The following KCNN3 variants were observed in gnomAD, a reference collection of about 807,000 sequenced individuals.
KCNN3 encodes the protein small conductance calcium-activated potassium channel protein 3.
A neutral mutation model predicts 62.9 loss-of-function variants in KCNN3; 16 were observed. The observed-to-expected ratio is 0.25, with a 90% CI of 0.17 to 0.39. The LOEUF is 0.39. KCNN3 is among the 10% of genes least tolerant of loss of function. KCNN3 has a pLI of 1.00. For missense variants in KCNN3, 599 were observed against 949.4 expected, an observed-to-expected ratio of 0.63 and a Z score of 4.85; for synonymous variants, 370 against 389.2, an observed-to-expected ratio of 0.95 and a Z score of 0.58.
intron 2 of KCNN3, among the ~76,000 whole-genome samples, chr1:154,811,888 C>T (rs1650421258): frequency 6.6e-6 from 1 of 152,220 alleles, no homozygotes; most frequent in Non-Finnish European, 1.5e-5. Context: ...ATGATCCTTA[C>T]CCCAGGAGTC....
In KCNN3 at chr1:154,699,695, A is replaced by G. The variant is rs1220203834; in HGVS notation, c.*8281T>C. On this transcript the variant is annotated 3_prime_UTR_variant, in exon 8 of 8. Transcript: ENST00000271915. Reference sequence around the variant, plus strand: ...GCAATGTTTCTAGATGGTTAAACTAACTTCTCTTGCTATTTTCCTCTAGGG... The same window carrying G: ...GCAATGTTTCTAGATGGTTAAACTAGCTTCTCTTGCTATTTTCCTCTAGGG... 6.6e-6 allele frequency: 1 copy of G among 152,172 alleles called. No individual in the cohort carries two copies. Among genetic ancestry groups the G allele is most frequent in the Non-Finnish European group, 1.5e-5 (1 of 68,038 alleles). The allele number at this position is 152,172 out of a possible 1,614,324, so 9.4% of individuals were successfully genotyped here.
intron 2 of KCNN3, among the ~76,000 whole-genome samples, chr1:154,791,968 C>T (rs1649538138): frequency 6.6e-6 from 1 of 152,160 alleles, no homozygotes; most frequent in Non-Finnish European, 1.5e-5. Context: ...CTTCCACTGG[C>T]CAGGAAGATC....
intron 1 of KCNN3, among the ~76,000 whole-genome samples, chr1:154,867,283 A>T (rs1011889023): frequency 6.6e-6 from 1 of 152,200 alleles, no homozygotes; most frequent in Admixed American, 6.5e-5. Context: ...GCAGACGCAG[A>T]GGCTCATTAC....
intron 6 of KCNN3, 93 bp downstream of exon 6, chr1:154,714,783 G>T (rs577072855): frequency 1.3e-6 from 2 of 1,545,936 alleles, no homozygotes; most frequent in East Asian, 4.5e-5. Context: ...GAGTGGAACA[G>T]AATGGATTTC....
chr1:154,822,002 G>A, intron 2 of KCNN3, 87 bp downstream of exon 2: 1 of 941,406 alleles, frequency 1.1e-6, no homozygotes, highest in Non-Finnish European at 1.7e-6. Flanking sequence ...TGCTAAGGGA[G>A]TGGGTTTTGG....
intron 3 of KCNN3, among the ~76,000 whole-genome samples, chr1:154,743,455 C>T (rs1006143491): frequency 3.3e-5 from 5 of 152,208 alleles, no homozygotes; most frequent in Admixed American, 6.5e-5. Flanking sequence ...ATCTCACCTT[C>T]GCCCATTGGC....
At chr1:154,823,941 C>T (rs1460938405) in intron 1 of KCNN3, among the ~76,000 whole-genome samples, 1 of 152,176 alleles carries the variant, frequency 6.6e-6, no homozygotes, top group Admixed American at 6.5e-5. Context: ...AATGAAAGTG[C>T]TCTCCCTGAT....
At chr1:154,727,356 GA>G (rs1265879572) in intron 4 of KCNN3, among the ~76,000 whole-genome samples, 6 of 152,220 alleles carry the variant, frequency 3.9e-5, no homozygotes, top group African/African-American at 1.4e-4. Flanking sequence ...GTGAGAAGCA[GA>G]AAAGAATGTT....
intron 3 of KCNN3, among the ~76,000 whole-genome samples, chr1:154,768,350 G>C (rs1211718643): frequency 6.6e-6 from 1 of 152,210 alleles, no homozygotes; most frequent in East Asian, 1.9e-4. Flanking sequence ...TAAAAATAGT[G>C]CTTAGTCTTG....
At chr1:154,777,728 A>T (rs1648851803) in intron 2 of KCNN3, among the ~76,000 whole-genome samples, 1 of 152,228 alleles carries the variant, frequency 6.6e-6, no homozygotes, top group African/African-American at 2.4e-5. Context: ...ATTCTAGACC[A>T]GCTTGACTGT....
chr1:154,814,154 G>A (rs1041854642), intron 2 of KCNN3, among the ~76,000 whole-genome samples: 3 of 152,252 alleles, frequency 2.0e-5, no homozygotes, highest in African/African-American at 2.4e-5. Context: ...CAGAAAGCAC[G>A]GGCCAGATGC....
At chr1:154,784,948 C>T (rs542508075) in intron 2 of KCNN3, among the ~76,000 whole-genome samples, 67 of 31,458 alleles carry the variant, frequency 2.1e-3, no homozygotes, top group African/African-American at 7.9e-3. Context: ...CTCTTGACTA[C>T]TGTGTGTGCT....
chr1:154,752,340 A>G (rs1647418720), intron 3 of KCNN3, among the ~76,000 whole-genome samples: 1 of 152,214 alleles, frequency 6.6e-6, no homozygotes. Flanking sequence ...ATATAGGGAC[A>G]TCAGCTTGTT....
At chr1:154,806,765 G>T (rs572068949) in intron 2 of KCNN3, among the ~76,000 whole-genome samples, 12 of 152,164 alleles carry the variant, frequency 7.9e-5, no homozygotes, top group Non-Finnish European at 1.6e-4. Context: ...AGGAAATTTG[G>T]TGCCCAATGA....
At chr1:154,736,807 T>C (rs1008910750) in intron 3 of KCNN3, among the ~76,000 whole-genome samples, 1 of 152,144 alleles carries the variant, frequency 6.6e-6, no homozygotes, top group Non-Finnish European at 1.5e-5. Context: ...GAATTACATA[T>C]AAATTATGTT....
At chr1:154,751,261 G>GCCCCCT in intron 3 of KCNN3, among the ~76,000 whole-genome samples, 1 of 152,288 alleles carries the variant, frequency 6.6e-6, no homozygotes, top group South Asian at 2.1e-4. Context: ...AAGCTCTAAA[G>GCCCCCT]CCCCCTCCAG....
intron 4 of KCNN3, among the ~76,000 whole-genome samples, chr1:154,731,590 G>A (rs1200862940): frequency 6.6e-6 from 1 of 152,262 alleles, no homozygotes; most frequent in Non-Finnish European, 1.5e-5. Context: ...CCTGCAGGAA[G>A]ACCTGCGGCC....
chr1:154,735,616 A>G (rs1262583789), intron 3 of KCNN3, among the ~76,000 whole-genome samples: 3 of 152,074 alleles, frequency 2.0e-5, no homozygotes, highest in African/African-American at 7.2e-5. Flanking sequence ...GGTGGCTCCC[A>G]ACTCTGATTC....
intron 2 of KCNN3, among the ~76,000 whole-genome samples, chr1:154,808,957 G>A (rs1048087586): frequency 3.3e-5 from 5 of 152,182 alleles, no homozygotes; most frequent in African/African-American, 2.4e-5. Context: ...GAGCCGCCTC[G>A]TGGCTCTGAG....
Sources: allele counts gnomAD v4.1 joint callset (sites outside exome capture counted in the v4.1 genomes callset), GRCh38; gene constraint gnomAD v4.1.1; transcripts MANE v1.5; gene names NCBI Gene and HGNC (gene_info 2026-07-23, HGNC 2026-07-21).